The following ZNF606 variants were observed in gnomAD, a reference collection of about 807,000 sequenced individuals.
The protein encoded by ZNF606 is zinc finger protein 606, also known as zinc finger protein 328.
In ZNF606, 37 loss-of-function variants were observed where a neutral mutation model predicts 74.9. That is an observed-to-expected ratio of 0.49 (90% CI 0.38 to 0.65). The LOEUF (loss-of-function observed/expected upper bound fraction) is 0.65, where lower values mean the gene tolerates loss of function less well. Among genes scored for constraint, ZNF606 ranks in the 30% least tolerant of loss-of-function variants. The pLI is 0.00. For missense variants in ZNF606, 852 were observed against 952.9 expected, an observed-to-expected ratio of 0.89 and a Z score of 1.39; for synonymous variants, 328 against 312.4, an observed-to-expected ratio of 1.05 and a Z score of -0.53.
At position 57,979,345 on chromosome 19, in the gene ZNF606, T is replaced by C. The variant is rs200116129; in HGVS notation, c.1335A>G (p.Lys445=). The C allele has an allele frequency of 3.1e-6, 5 of 1,613,524 alleles. No homozygotes were observed. In the East Asian group the frequency reaches 8.9e-5, roughly 29 times the overall value. The stretch of plus-strand genomic sequence containing the variant: ...TTATTCCAGTGTGAGTCCGTTCATG[T>C]TTCGTAAGGGCTGAGCGATTCCTAA... ...KVFRNRSALT[K]HERTHTGIKP... Residue 445 remains lysine (K), a synonymous_variant, in exon 7 of 7, where the codon AAA becomes AAG. Transcript: ENST00000551380.
At chr19:57,992,558 T>C (rs142544486) in intron 4 of ZNF606, among the ~76,000 whole-genome samples, 4 of 152,344 alleles carry the variant, frequency 2.6e-5, no homozygotes, top group Non-Finnish European at 5.9e-5. Flanking sequence ...GTTTGGATCC[T>C]GATTTGAACA....
Position 57,979,534 on chromosome 19 carries a change from C to A in ZNF606, c.1146G>T (p.Gly382=). The A allele has an allele frequency of 6.2e-7, 1 of 1,613,284 alleles. No individual in the cohort carries two copies. The highest frequency in any genetic ancestry group is 8.5e-7 in the Non-Finnish European group (1 of 1,179,624). Residue 382 remains glycine (G), a synonymous_variant, in exon 7 of 7, where the codon GGG becomes GGT. Transcript: ENST00000551380. The stretch of plus-strand genomic sequence containing the variant: ...TATGTTGAGTAAGGAAAGAGTCATA[C>A]CCAAAGACTTTCTCCCATTCATTGT... ...YKYNEWEKVF[G]YDSFLTQHTS...
At position 58,000,415 on chromosome 19, in the gene ZNF606, C is replaced by T. The variant is rs148173160; in HGVS notation, c.88+268G>A. The T allele has an allele frequency of 6.3e-3, 3,629 of 572,618 alleles. 89 individuals carry two copies. Among genetic ancestry groups the T allele is most frequent in the African/African-American group, 0.06 (3,194 of 53,140 alleles). The allele number at this position is 572,618 out of a possible 1,614,324, so 35.5% of individuals were successfully genotyped here. A position where few individuals can be genotyped will look rare whatever the true frequency, so the allele number is the denominator to read the frequency against. On this transcript the variant is annotated intron_variant, in intron 3 of 6. Coordinates refer to ENST00000551380, the MANE Select transcript of ZNF606 (RefSeq NM_001348022.3). ...TTTTTGTATTTTGTTTTAGTAGAGA[C>T]GGGGTTTCACCGTGTTAGCCAGGAT...
chr19:57,988,330 C>G, intron 5 of ZNF606, 28 bp from the exon 6 acceptor site: 1 of 1,604,732 alleles, frequency 6.2e-7, no homozygotes, highest in East Asian at 2.2e-5. Flanking sequence ...GCATGGAAAT[C>G]ATGTCATGAG....
Position 57,977,520 on chromosome 19 carries a change from T to G in ZNF606, c.*781A>C, listed in dbSNP as rs1338633869. On this transcript the variant is annotated 3_prime_UTR_variant, in exon 7 of 7. Transcript: ENST00000551380. ...GTATCCTTTTTATTCCTTCATGTTA[T>G]GTATACTGATGCAGTGTCCATAATT... 3.3e-5 allele frequency: 5 copies of G among 152,238 alleles called. No homozygotes were observed. The highest frequency in any genetic ancestry group is 1.2e-4 in the African/African-American group (5 of 41,456). The allele number at this position is 152,238 out of a possible 1,614,324, so 9.4% of individuals were successfully genotyped here.
chr19:57,989,093 T>C (rs1447084034), intron 4 of ZNF606, among the ~76,000 whole-genome samples: 1 of 152,170 alleles, frequency 6.6e-6, no homozygotes, highest in African/African-American at 2.4e-5. Context: ...GAGCACTGGC[T>C]ACAAGCGAGA....
rs1452162127 is a variant in ZNF606 at position 57,979,730 on chromosome 19, TAG to T, written c.948_949del (p.Tyr317Ter). 8 of 1,613,328 alleles carry T rather than the reference TAG, an allele frequency of 5.0e-6. No individual in the cohort carries two copies. Among genetic ancestry groups the T allele is most frequent in the African/African-American group, 1.3e-5 (1 of 74,902 alleles). On this transcript the variant is annotated frameshift_variant, in exon 7 of 7. Transcript: ENST00000551380. LOFTEE classifies it high-confidence loss of function. ...GATTTGATGGCATTCCTTATATTCA[TAG>T]AGTTTTTCTCCTGTGTGAATTCCTT...
intron 4 of ZNF606, chr19:57,999,449 G>A (rs1291844817): frequency 2.8e-6 from 1 of 352,056 alleles, no homozygotes; most frequent in Admixed American, 4.3e-5. Context: ...ACCTGTCCTT[G>A]TTCCCTTCAC....
rs535978605 is a variant in ZNF606 at position 57,978,036 on chromosome 19, G to T, written c.*265C>A. The T allele has an allele frequency of 2.5e-4, 73 of 288,690 alleles. No homozygotes were observed. Among genetic ancestry groups the T allele is most frequent in the Non-Finnish European group, 4.2e-4 (65 of 156,072 alleles). 17.9% of individuals were successfully genotyped at this position (288,690 alleles called of 1,614,324 possible). A position where few individuals can be genotyped will look rare whatever the true frequency, so the allele number is the denominator to read the frequency against. The stretch of plus-strand genomic sequence containing the variant: ...CATTCCCCACAGTCATGGTCCTCAA[G>T]TATGAATTACTGGTAGACCATAAGG... On this transcript the variant is annotated 3_prime_UTR_variant, in exon 7 of 7. Transcript: ENST00000551380. The surrounding 1 kb of genome is among the most constrained non-coding windows in gnomAD (Gnocchi z 4.4).
chr19:57,983,539 T>C (rs2073120752), intron 6 of ZNF606, among the ~76,000 whole-genome samples: 2 of 150,736 alleles, frequency 1.3e-5, no homozygotes. Flanking sequence ...GACCACACCA[T>C]TGCACTCCAG....
intron 4 of ZNF606, among the ~76,000 whole-genome samples, chr19:57,995,871 A>G (rs2073333859): frequency 6.6e-6 from 1 of 152,176 alleles, no homozygotes; most frequent in Non-Finnish European, 1.5e-5. Context: ...ATGTATGCAT[A>G]TGAAAATGAA....
At chr19:57,995,804 G>C (rs981779936) in intron 4 of ZNF606, among the ~76,000 whole-genome samples, 1 of 152,126 alleles carries the variant, frequency 6.6e-6, no homozygotes, top group South Asian at 2.1e-4. Context: ...GGGCAATGCA[G>C]TGTGACTGTC....
intron 4 of ZNF606, chr19:57,998,019 G>A (rs1385483563): frequency 1.3e-5 from 2 of 152,076 alleles, no homozygotes; most frequent in African/African-American, 4.8e-5. Context: ...AACTGTGGGC[G>A]GTTTCAATAA....
intron 4 of ZNF606, chr19:57,997,791 C>G (rs924885387): frequency 2.6e-5 from 4 of 152,214 alleles, no homozygotes; most frequent in Non-Finnish European, 5.9e-5. Context: ...TCAGGCTAGT[C>G]TAGCTTCACT....
chr19:57,999,736 G>A (rs574326500), intron 4 of ZNF606, 72 bp downstream of exon 4: 26 of 1,461,238 alleles, frequency 1.8e-5, no homozygotes, highest in Admixed American at 5.1e-5. Flanking sequence ...GTAAACTGGA[G>A]AGCCGCATCA....
chr19:57,999,430 A>C (rs2073383401), intron 4 of ZNF606: 1 of 297,042 alleles, frequency 3.4e-6, no homozygotes, highest in East Asian at 5.5e-5. Context: ...CCTCAGGGTG[A>C]AGGCTCACAC....
chr19:57,987,268 C>G (rs1320502131), intron 6 of ZNF606, among the ~76,000 whole-genome samples: 1 of 151,990 alleles, frequency 6.6e-6, no homozygotes, highest in Non-Finnish European at 1.5e-5. Flanking sequence ...GTTTTTCAGA[C>G]AGGGTCTTGC....
chr19:57,996,715 AAG>A lies in ZNF606; in HGVS notation c.177+3091_177+3092del, dbSNP rs1326643283. 2.6e-5 allele frequency among the ~76,000 whole-genome samples: 4 copies of A among 152,248 alleles called. No individual in the cohort carries two copies. The East Asian group carries it at 7.7e-4, about 29-fold the overall frequency. On this transcript the variant is annotated intron_variant, in intron 4 of 6. Transcript: ENST00000551380. ...CTGATGCTAAGGGGAAAGGGTGCTA[AAG>A]AGAGAAGAGTACTGCTACAGGGAGG...
chr19:58,002,273 G>A (rs2073445768), intron 1 of ZNF606, 123 bp downstream of exon 1: 1 of 456,730 alleles, frequency 2.2e-6, no homozygotes, highest in Non-Finnish European at 4.4e-6. Context: ...GAACGAACGG[G>A]GTTATTCGTC....
Sources: allele counts gnomAD v4.1 joint callset (sites outside exome capture counted in the v4.1 genomes callset), GRCh38; gene constraint gnomAD v4.1.1; non-coding constraint Gnocchi (gnomAD v3.1); transcripts MANE v1.5; gene names NCBI Gene and HGNC (gene_info 2026-07-23, HGNC 2026-07-21).